The following NEK1 variants were observed in gnomAD, a reference collection of about 807,000 sequenced individuals.
NEK1 encodes NIMA related kinase 1.
Under a neutral mutation model 182.1 loss-of-function variants are expected in NEK1, and 137 were observed. The ratio of observed to expected loss-of-function variants is 0.75; its 90% confidence interval spans 0.65 to 0.87. The LOEUF is 0.87. NEK1 is among the 40% of genes least tolerant of loss of function. The pLI is 0.00. For missense variants in NEK1, 1,391 were observed against 1,494.4 expected, an observed-to-expected ratio of 0.93 and a Z score of 1.14; for synonymous variants, 513 against 492.2, an observed-to-expected ratio of 1.04 and a Z score of -0.56.
At chr4:169,570,494 G>A (rs372120686) in intron 12 of NEK1, among the ~76,000 whole-genome samples, 12 of 150,418 alleles carry the variant, frequency 8.0e-5, no homozygotes, top group South Asian at 4.2e-4. Flanking sequence ...CGCCCCGTCC[G>A]GAAGGGAGGT....
Position 169,447,494 on chromosome 4 carries a change from G to T in NEK1, c.2588-9235C>A, listed in dbSNP as rs115084260. On this transcript the variant is annotated intron_variant, in intron 27 of 35. Coordinates refer to ENST00000507142, the MANE Select transcript of NEK1 (RefSeq NM_001199397.3). Reference sequence around the variant, plus strand: ...GTGTAAAATTCACCAGTAATAGTAAGTATACAGAAAAACACAGAATATTAG... The same window carrying T: ...GTGTAAAATTCACCAGTAATAGTAATTATACAGAAAAACACAGAATATTAG... Among the ~76,000 whole-genome samples, 1,392 of 152,274 alleles carry T rather than the reference G, an allele frequency of 9.1e-3. 25 individuals carry two copies. Among genetic ancestry groups the T allele is most frequent in the African/African-American group, 0.032 (1,311 of 41,546 alleles).
intron 35 of NEK1, among the ~76,000 whole-genome samples, chr4:169,396,903 G>A (rs1374682847): frequency 6.6e-6 from 1 of 152,078 alleles, no homozygotes; most frequent in Non-Finnish European, 1.5e-5. Context: ...TCTCCTAGAT[G>A]TGGCCTAAAA....
intron 16 of NEK1, among the ~76,000 whole-genome samples, chr4:169,559,683 G>A (rs1332555153): frequency 6.6e-6 from 1 of 152,134 alleles, no homozygotes; most frequent in Non-Finnish European, 1.5e-5. Flanking sequence ...CAAGATTAAT[G>A]GGTGTACATG....
Position 169,540,683 on chromosome 4 carries a change from C to T in NEK1, c.1563-2772G>A, listed in dbSNP as rs1033414554. Among the ~76,000 whole-genome samples the T allele has an allele frequency of 3.3e-5, 5 of 151,598 alleles. No individual in the cohort carries two copies. In the East Asian group the frequency reaches 7.7e-4, roughly 23 times the overall value. On this transcript the variant is annotated intron_variant, in intron 18 of 35. Transcript: ENST00000507142. The stretch of plus-strand genomic sequence containing the variant: ...CTTAAAATCAGTAAAACACTGACCC[C>T]GATTAAGGATAAGAGGATGATAATA...
rs148596838 is a variant in NEK1, at chr4:169,511,875, CTGAG to C, written c.1666-3027_1666-3024del. ...ACTCACAATATGTGTCCTTTTGAGA[CTGAG>C]TGTTTTCATTCAATATAATTATATA... On this transcript the variant is annotated intron_variant, in intron 19 of 35. Coordinates refer to ENST00000507142, the MANE Select transcript of NEK1 (RefSeq NM_001199397.3). 3.7e-3 allele frequency among the ~76,000 whole-genome samples: 569 copies of C among 152,182 alleles called. 6 individuals carry two copies. The highest frequency in any genetic ancestry group is 0.012 in the African/African-American group (509 of 41,532).
chr4:169,543,739 T>C (rs1759872672), intron 18 of NEK1, among the ~76,000 whole-genome samples: 1 of 152,236 alleles, frequency 6.6e-6, no homozygotes, highest in Non-Finnish European at 1.5e-5. Context: ...TTTTATTCTC[T>C]TTGTAGCAAT....
At chr4:169,557,749 T>C (rs112601811) in intron 16 of NEK1, among the ~76,000 whole-genome samples, 10,862 of 151,888 alleles carry the variant, frequency 0.072, 1,272 homozygotes, top group African/African-American at 0.25. Flanking sequence ...CCTGGGCAAA[T>C]TGGCGAAACA....
chr4:169,528,549 T>C (rs912805921), intron 19 of NEK1, among the ~76,000 whole-genome samples: 2 of 152,154 alleles, frequency 1.3e-5, no homozygotes, highest in African/African-American at 4.8e-5. Flanking sequence ...GTAGAAGATA[T>C]AGCTAAGCTG....
chr4:169,439,996 G>A (rs563618470), intron 27 of NEK1, among the ~76,000 whole-genome samples: 4 of 151,632 alleles, frequency 2.6e-5, no homozygotes, highest in Non-Finnish European at 5.9e-5. Flanking sequence ...ACAGGCGCAC[G>A]GCACTATGCC....
chr4:169,433,202 G>A lies in NEK1; in HGVS notation c.2885+343C>T, dbSNP rs191810331. On this transcript the variant is annotated intron_variant, in intron 29 of 35. Coordinates refer to ENST00000507142, the MANE Select transcript of NEK1 (RefSeq NM_001199397.3). ...AGTCTCTCAAGCAGCTGGGACTATAGGCACGTGCCACCATGCCTGGCTAAT... is the reference window on the plus strand; with the variant it reads ...AGTCTCTCAAGCAGCTGGGACTATAAGCACGTGCCACCATGCCTGGCTAAT... Among the ~76,000 whole-genome samples, 412 of 152,138 alleles carry A rather than the reference G, an allele frequency of 2.7e-3. 4 individuals carry two copies. Among genetic ancestry groups the A allele is most frequent in the African/African-American group, 9.6e-3 (400 of 41,502 alleles).
intron 30 of NEK1, 27 bp from the exon 31 acceptor site, chr4:169,424,827 G>A: frequency 6.3e-7 from 1 of 1,590,258 alleles, no homozygotes; most frequent in Non-Finnish European, 8.6e-7. Flanking sequence ...AGATTATGTG[G>A]TAAGTCTATA....
chr4:169,589,008 CCACT>C (rs1259854474), intron 7 of NEK1, among the ~76,000 whole-genome samples: 4 of 152,274 alleles, frequency 2.6e-5, no homozygotes, highest in African/African-American at 4.8e-5. Flanking sequence ...CATTCACTCA[CCACT>C]CACTCACTCA....
intron 29 of NEK1, among the ~76,000 whole-genome samples, chr4:169,431,044 T>C (rs1579553960): frequency 6.6e-6 from 1 of 152,098 alleles, no homozygotes; most frequent in African/African-American, 2.4e-5. Context: ...ATCAAAGATA[T>C]AGCATACTTC....
At chr4:169,424,422 T>TG (rs758836893) in intron 31 of NEK1, 131 bp downstream of exon 31, 4 of 1,054,438 alleles carry the variant, frequency 3.8e-6, no homozygotes, top group Non-Finnish European at 5.2e-6. Flanking sequence ...GCTCAGAAGA[T>TG]GGAGGTTTTT....
At chr4:169,486,916 C>T (rs534956193) in intron 23 of NEK1, among the ~76,000 whole-genome samples, 1 of 152,262 alleles carries the variant, frequency 6.6e-6, no homozygotes, top group South Asian at 2.1e-4. Flanking sequence ...CATTGCTACC[C>T]TTTTAAAAAA....
Position 169,477,423 on chromosome 4 carries a change from T to C in NEK1, c.2205+9A>G. 6.3e-7 allele frequency: 1 copy of C among 1,598,454 alleles called. No homozygotes were observed. On this transcript the variant is annotated intron_variant, in intron 25 of 35. Coordinates refer to ENST00000507142, the MANE Select transcript of NEK1 (RefSeq NM_001199397.3). ...AAAATGATTGATAAACTTTGAAAAT[T>C]TTACTTACTGAAATAGCATTGTTGG...
chr4:169,590,330 A>G (rs1246479589), intron 6 of NEK1, among the ~76,000 whole-genome samples: 2 of 151,242 alleles, frequency 1.3e-5, no homozygotes, highest in African/African-American at 4.9e-5. Flanking sequence ...ATAGACAGAC[A>G]GACAGACAGA....
intron 26 of NEK1, 127 bp downstream of exon 26, chr4:169,476,997 G>T: frequency 1.6e-6 from 1 of 635,406 alleles, no homozygotes; most frequent in Non-Finnish European, 2.5e-6. Context: ...CGCCCAAAAG[G>T]AAAATATATA....
At chr4:169,460,886 G>A (rs1250247647) in intron 27 of NEK1, among the ~76,000 whole-genome samples, 1 of 152,130 alleles carries the variant, frequency 6.6e-6, no homozygotes, top group African/African-American at 2.4e-5. Flanking sequence ...AAACTGTTAT[G>A]AAAATGGAAA....
Sources: allele counts gnomAD v4.1 joint callset (sites outside exome capture counted in the v4.1 genomes callset), GRCh38; gene constraint gnomAD v4.1.1; transcripts MANE v1.5; gene names NCBI Gene and HGNC (gene_info 2026-07-23, HGNC 2026-07-21).